The following CFAP251 variants were observed in gnomAD, a reference collection of about 807,000 sequenced individuals.
CFAP251 encodes cilia- and flagella-associated protein 251.
Under a neutral mutation model 126.7 loss-of-function variants are expected in CFAP251, and 93 were observed. That is an observed-to-expected ratio of 0.73 (90% CI 0.62 to 0.87). CFAP251 has a LOEUF of 0.87. Among genes scored for constraint, CFAP251 ranks in the 40% least tolerant of loss-of-function variants. The pLI, the probability that CFAP251 is intolerant of heterozygous loss-of-function variation, is 0.00. For synonymous variants in CFAP251, 503 were observed against 506.9 expected (o/e 0.99, Z 0.10); for missense variants, 1,287 against 1,389.2 (o/e 0.93, Z 1.17).
intron 5 of CFAP251, among the ~76,000 whole-genome samples, chr12:121,936,744 G>T (rs1565905436): frequency 6.6e-6 from 1 of 152,142 alleles, no homozygotes; most frequent in Non-Finnish European, 1.5e-5. Flanking sequence ...GAGGGGCCTG[G>T]TTGGGGACAA....
chr12:121,967,048 G>C lies in CFAP251; in HGVS notation c.2586G>C (p.Leu862Phe), dbSNP rs764594930. 1.1e-5 allele frequency: 17 copies of C among 1,614,152 alleles called. No homozygotes were observed. Among genetic ancestry groups the C allele is most frequent in the Non-Finnish European group, 1.4e-5 (17 of 1,179,994 alleles). Residue 862 changes from leucine (L) to phenylalanine (F), a missense_variant, in exon 16 of 22, where the codon TTG becomes TTC. By Grantham distance (22) the Leu-to-Phe change is conservative. Coordinates refer to ENST00000288912, the MANE Select transcript of CFAP251 (RefSeq NM_144668.6). ...TGGCGGAGCTACAGAAACGCTACTT[G>C]GTGTTTATTAACAGAGACAAGGTAA... ...RSMAELQKRY[L>F]VFINRDKVGL...
chr12:121,997,890 T>A (rs549568704), intron 19 of CFAP251: 1 of 149,992 alleles, frequency 6.7e-6, no homozygotes, highest in Admixed American at 6.6e-5. Flanking sequence ...TAGCTGGGAC[T>A]ATAGGCATAC....
intron 19 of CFAP251, among the ~76,000 whole-genome samples, chr12:121,994,299 C>A (rs1297169068): frequency 2.4e-5 from 1 of 41,130 alleles, no homozygotes; most frequent in African/African-American, 9.6e-5. Flanking sequence ...TCAGCCCCCC[C>A]GCTCGGCCAG....
In CFAP251 at chr12:121,968,175, C is replaced by T. The variant is rs747150577; in HGVS notation, c.2771+6C>T. On this transcript the variant is annotated splice_donor_region_variant and intron_variant, in intron 17 of 21. Coordinates refer to ENST00000288912, the MANE Select transcript of CFAP251 (RefSeq NM_144668.6). ...CAGTGGAAAATCACCTTAAGGTACA[C>T]GATGGGGCGAGAAGGAAGGTATCAA... 8 of 1,592,844 alleles carry T rather than the reference C, an allele frequency of 5.0e-6. No homozygotes were observed. The highest frequency in any genetic ancestry group is 2.7e-5 in the African/African-American group (2 of 74,364).
intron 12 of CFAP251, 75 bp from the exon 13 acceptor site, chr12:121,958,868 C>G (rs528404183): frequency 6.7e-7 from 1 of 1,502,450 alleles, no homozygotes; most frequent in African/African-American, 1.4e-5. Flanking sequence ...GCACCCAGAA[C>G]AAAGCCTGGC....
chr12:121,925,901 G>A (rs1037730297), intron 3 of CFAP251, among the ~76,000 whole-genome samples: 8 of 152,226 alleles, frequency 5.3e-5, no homozygotes, highest in African/African-American at 1.9e-4. Flanking sequence ...CTGGAGTGCA[G>A]TGGCGTGATC....
intron 13 of CFAP251, 152 bp from the exon 14 acceptor site, chr12:121,960,433 G>T: frequency 1.4e-6 from 1 of 708,512 alleles, no homozygotes; most frequent in Non-Finnish European, 2.3e-6. Flanking sequence ...GGCCAGGCTG[G>T]TCTCAAACTC....
chr12:121,928,670 GTATATATA>G (rs373937834), intron 3 of CFAP251, among the ~76,000 whole-genome samples: 3 of 50,858 alleles, frequency 5.9e-5, no homozygotes, highest in East Asian at 4.5e-4. Flanking sequence ...ATATATATAC[GTATATATA>G]TATATATATA....
intron 21 of CFAP251, among the ~76,000 whole-genome samples, chr12:122,002,960 G>A (rs1272422195): frequency 6.6e-6 from 1 of 152,062 alleles, no homozygotes; most frequent in Non-Finnish European, 1.5e-5. Context: ...TAGCTAACAG[G>A]TCATTCCCAA....
rs1048731268 is a variant in CFAP251, at chr12:121,956,949, T to C, written c.1536-125T>C. 6 of 652,958 alleles carry C rather than the reference T, an allele frequency of 9.2e-6. No homozygotes were observed. The Admixed American group carries it at 1.1e-4, about 12-fold the overall frequency. The allele number at this position is 652,958 out of a possible 1,614,324, so 40.4% of individuals were successfully genotyped here. A position where few individuals can be genotyped will look rare whatever the true frequency, so the allele number is the denominator to read the frequency against. On this transcript the variant is annotated intron_variant, in intron 10 of 21. Transcript: ENST00000288912. Reference sequence around the variant, plus strand: ...TGGGATAACAGTAAAATCATTCTCGTTGGGAGTATTAAATTAAGTTTTTGC... The same window carrying C: ...TGGGATAACAGTAAAATCATTCTCGCTGGGAGTATTAAATTAAGTTTTTGC...
chr12:121,966,657 C>T (rs1047818962), intron 15 of CFAP251, among the ~76,000 whole-genome samples: 5 of 148,724 alleles, frequency 3.4e-5, no homozygotes, highest in Non-Finnish European at 7.4e-5. Flanking sequence ...GTAATCTCAG[C>T]TCACTGCAGC....
intron 5 of CFAP251, among the ~76,000 whole-genome samples, chr12:121,937,452 C>T (rs932163013): frequency 6.6e-6 from 1 of 152,154 alleles, no homozygotes; most frequent in African/African-American, 2.4e-5. Flanking sequence ...TCTGGGTGGG[C>T]CTGAGTTTGG....
At chr12:121,994,027 G>T (rs1882960770) in intron 19 of CFAP251, among the ~76,000 whole-genome samples, 1 of 105,244 alleles carries the variant, frequency 9.5e-6, no homozygotes, top group East Asian at 2.8e-4. Context: ...GAGGTGGGGG[G>T]GGGGTCAGCC....
At chr12:122,001,120 G>A (rs371307022) in intron 20 of CFAP251, among the ~76,000 whole-genome samples, 1 of 144,632 alleles carries the variant, frequency 6.9e-6, no homozygotes, top group Admixed American at 7.1e-5. Context: ...GCAGTGGCAC[G>A]ATCTCAGTTC....
intron 5 of CFAP251, among the ~76,000 whole-genome samples, chr12:121,938,047 C>T (rs1408286115): frequency 6.6e-6 from 1 of 152,164 alleles, no homozygotes; most frequent in African/African-American, 2.4e-5. Context: ...CTCTATCACC[C>T]AGGCGGGAGT....
chr12:121,999,474 C>T (rs1252347042), intron 19 of CFAP251: 4 of 303,664 alleles, frequency 1.3e-5, no homozygotes, highest in Non-Finnish European at 2.5e-5. Context: ...TTCCAGGGTT[C>T]AAGTGATTCT....
At chr12:121,940,845 TTACAG>T (rs1881082377) in intron 5 of CFAP251, among the ~76,000 whole-genome samples, 1 of 152,088 alleles carries the variant, frequency 6.6e-6, no homozygotes, top group African/African-American at 2.4e-5. Context: ...GAACCATTGC[TTACAG>T]TTTGGAGTCT....
intron 19 of CFAP251, among the ~76,000 whole-genome samples, chr12:121,987,647 G>A (rs572649751): frequency 4.6e-5 from 7 of 151,670 alleles, no homozygotes; most frequent in African/African-American, 9.7e-5. Flanking sequence ...CCCGGGAGGC[G>A]GAGGTTGCAG....
chr12:121,944,848 T>A (rs776166544), intron 7 of CFAP251, among the ~76,000 whole-genome samples: 1 of 152,224 alleles, frequency 6.6e-6, no homozygotes, highest in Non-Finnish European at 1.5e-5. Flanking sequence ...AGTGGCGCGA[T>A]CTCAGCTCAC....
Sources: gnomAD v4.1 joint callset for allele counts (sites outside exome capture counted in the v4.1 genomes callset) on GRCh38, gnomAD v4.1.1 for gene constraint, MANE v1.5 for transcripts, NCBI Gene and HGNC (gene_info 2026-07-23, HGNC 2026-07-21) for gene names.